Variants in SNX7 observed in about 807,000 individuals in gnomAD.
SNX7 encodes sorting nexin-7.
A neutral mutation model predicts 48.4 loss-of-function variants in SNX7; 35 were observed. The ratio of observed to expected loss-of-function variants is 0.72; its 90% CI spans 0.55 to 0.96. SNX7 has a LOEUF of 0.96. SNX7 is among the 40% of genes least tolerant of loss of function. The pLI is 0.00. For missense variants in SNX7, 553 were observed against 548.9 expected, an observed-to-expected ratio of 1.01 and a Z score of -0.07; for synonymous variants, 190 against 190.2, an observed-to-expected ratio of 1.00 and a Z score of 0.01.
intron 7 of SNX7, among the ~76,000 whole-genome samples, chr1:98,711,177 C>T (rs1251295659): frequency 7.9e-5 from 12 of 152,018 alleles, no homozygotes. Context: ...CCACCACGCC[C>T]AGCTAATTTT....
chr1:98,759,937 A>T lies in SNX7; in HGVS notation c.1279-117A>T, dbSNP rs1446657303. The T allele has an allele frequency of 4.6e-6, 3 of 652,208 alleles. No individual in the cohort carries two copies. The East Asian group carries it at 8.0e-5, about 17-fold the overall frequency. 40.4% of individuals were successfully genotyped at this position (652,208 alleles called of 1,614,324 possible). A position where few individuals can be genotyped will look rare whatever the true frequency, so the allele number is the denominator to read the frequency against. On this transcript the variant is annotated intron_variant, in intron 8 of 8. Transcript: ENST00000306121. Reference sequence around the variant, plus strand: ...AAATGACAAGGATTCTGACAAGCTGATGGGAGAGAAGAATAGAGCAGATTG... The same window carrying T: ...AAATGACAAGGATTCTGACAAGCTGTTGGGAGAGAAGAATAGAGCAGATTG...
chr1:98,680,169 G>A (rs1000712368), intron 1 of SNX7, among the ~76,000 whole-genome samples: 2 of 152,178 alleles, frequency 1.3e-5, no homozygotes, highest in African/African-American at 4.8e-5. Context: ...ACACTGTGTG[G>A]AAGCTGCCAA....
At chr1:98,715,073 T>C (rs922521610) in intron 7 of SNX7, among the ~76,000 whole-genome samples, 8 of 152,270 alleles carry the variant, frequency 5.3e-5, no homozygotes, top group South Asian at 2.1e-4. Context: ...CAACCATCAA[T>C]ATCAATAAGT....
At chr1:98,683,887 T>C (rs920637268) in intron 1 of SNX7, among the ~76,000 whole-genome samples, 1 of 152,198 alleles carries the variant, frequency 6.6e-6, no homozygotes, top group African/African-American at 2.4e-5. Flanking sequence ...CCTATCCTAC[T>C]GGATGCCCTC....
intron 1 of SNX7, among the ~76,000 whole-genome samples, chr1:98,677,853 G>A (rs970557751): frequency 1.0e-4 from 15 of 148,498 alleles, no homozygotes; most frequent in African/African-American, 3.7e-4. Flanking sequence ...ACTCCAGCCT[G>A]GGTGACAGAG....
chr1:98,721,700 A>T (rs762474402), intron 7 of SNX7, among the ~76,000 whole-genome samples: 1 of 152,188 alleles, frequency 6.6e-6, no homozygotes, highest in Non-Finnish European at 1.5e-5. Flanking sequence ...TTGGCCTGTG[A>T]AGTTCTGTGA....
chr1:98,702,632 G>T lies in SNX7; in HGVS notation c.1125+729G>T, dbSNP rs536324718. On this transcript the variant is annotated intron_variant, in intron 7 of 8. Transcript: ENST00000306121. ...TGGAATAATTATTCTCACTTTAAAG[G>T]TGAGAAGACTCTTGAAAGGTAGAGT... 5.3e-5 allele frequency among the ~76,000 whole-genome samples: 8 copies of T among 152,114 alleles called. No individual in the cohort carries two copies. In the East Asian group the frequency reaches 1.6e-3, roughly 30 times the overall value.
rs1463542256 is a variant in SNX7 at position 98,760,486 on chromosome 1, A to C, written c.*355A>C. ...TATGTTGTAAGGACTGTTTTAATAA[A>C]AAGTTTAGTATGAAGTGGTTGGCTG... On this transcript the variant is annotated 3_prime_UTR_variant, in exon 9 of 9. Coordinates refer to ENST00000306121, the MANE Select transcript of SNX7 (RefSeq NM_015976.5). 4.6e-5 allele frequency: 8 copies of C among 172,304 alleles called. No individual in the cohort carries two copies. The highest frequency in any genetic ancestry group is 1.0e-4 in the Non-Finnish European group (8 of 80,392). The allele number at this position is 172,304 out of a possible 1,614,324, so 10.7% of individuals were successfully genotyped here. A position where few individuals can be genotyped will look rare whatever the true frequency, so the allele number is the denominator to read the frequency against.
chr1:98,689,337 C>A (rs1458139406), intron 2 of SNX7, among the ~76,000 whole-genome samples: 1 of 152,160 alleles, frequency 6.6e-6, no homozygotes, highest in Non-Finnish European at 1.5e-5. Context: ...CTCTTACAAC[C>A]CTTCAAGAGA....
At chr1:98,692,201 A>G (rs1001497533) in intron 4 of SNX7, among the ~76,000 whole-genome samples, 1 of 152,140 alleles carries the variant, frequency 6.6e-6, no homozygotes, top group Non-Finnish European at 1.5e-5. Context: ...GTTAACACAT[A>G]TGTATACCTT....
chr1:98,723,790 G>GGC (rs113422792), intron 7 of SNX7, among the ~76,000 whole-genome samples: 83,716 of 151,570 alleles, frequency 0.55, 24,135 homozygotes, highest in Non-Finnish European at 0.64. Context: ...GATCCCGGGA[G>GGC]GCAGAGGTTG....
intron 7 of SNX7, among the ~76,000 whole-genome samples, chr1:98,728,686 T>C (rs994433921): frequency 6.6e-6 from 1 of 151,626 alleles, no homozygotes; most frequent in Non-Finnish European, 1.5e-5. Flanking sequence ...CCAACAAAGA[T>C]CAAAAAAGAC....
chr1:98,751,372 T>G (rs542244746), intron 8 of SNX7, among the ~76,000 whole-genome samples: 2 of 152,068 alleles, frequency 1.3e-5, no homozygotes, highest in Admixed American at 6.6e-5. Flanking sequence ...AATTAAAACT[T>G]AATTTTCTAT....
intron 2 of SNX7, among the ~76,000 whole-genome samples, chr1:98,686,462 A>G (rs916743390): frequency 1.3e-5 from 2 of 152,210 alleles, no homozygotes; most frequent in Admixed American, 6.5e-5. Context: ...CTGTATGTGA[A>G]TAGATGTTTA....
intron 4 of SNX7, among the ~76,000 whole-genome samples, chr1:98,694,167 G>A (rs975513123): frequency 4.0e-5 from 6 of 151,690 alleles, no homozygotes; most frequent in African/African-American, 7.2e-5. Context: ...TCAGGAGATC[G>A]AGACCATCTT....
intron 8 of SNX7, among the ~76,000 whole-genome samples, chr1:98,745,972 G>T (rs971940996): frequency 1.3e-5 from 2 of 151,964 alleles, no homozygotes; most frequent in Non-Finnish European, 2.9e-5. Context: ...AACCAAATAT[G>T]TCACTTTTTT....
chr1:98,673,172 A>G (rs1421471081), intron 1 of SNX7, among the ~76,000 whole-genome samples: 2 of 152,172 alleles, frequency 1.3e-5, no homozygotes, highest in Non-Finnish European at 2.9e-5. Context: ...AAATGTATGA[A>G]TACTTGAATT....
intron 8 of SNX7, among the ~76,000 whole-genome samples, chr1:98,758,907 A>T (rs1278452563): frequency 6.6e-6 from 1 of 151,194 alleles, no homozygotes; most frequent in Non-Finnish European, 1.5e-5. Context: ...CTAAATCTTC[A>T]GTTTGAAAAA....
At chr1:98,733,901 G>A (rs12738955) in intron 7 of SNX7, among the ~76,000 whole-genome samples, 40,097 of 151,992 alleles carry the variant, frequency 0.26, 5,624 homozygotes, top group Middle Eastern at 0.31. Context: ...CTCTGACTCA[G>A]TCTGTCTGAA....
Sources: allele counts gnomAD v4.1 joint callset (sites outside exome capture counted in the v4.1 genomes callset), GRCh38; gene constraint gnomAD v4.1.1; transcripts MANE v1.5; gene names NCBI Gene and HGNC (gene_info 2026-07-23, HGNC 2026-07-21).